NKAIN3: variants seen among roughly 807,000 people sequenced by gnomAD.
The protein encoded by NKAIN3 is sodium/potassium transporting ATPase interacting 3.
NKAIN3 carries 25 observed loss-of-function variants against 30.2 expected under a neutral mutation model. The observed-to-expected ratio is 0.83, with a 90% CI of 0.60 to 1.16. The LOEUF (loss-of-function observed/expected upper bound fraction) is 1.16, where lower values mean the gene tolerates loss of function less well. NKAIN3 is among the 50% of genes most tolerant of loss of function. NKAIN3 has a pLI of 0.00. For synonymous variants in NKAIN3, 91 were observed against 89.6 expected (o/e 1.02, Z -0.09); for missense variants, 225 against 254.1 (o/e 0.89, Z 0.78).
chr8:62,524,616 C>A (rs1274822924), intron 1 of NKAIN3, among the ~76,000 whole-genome samples: 6 of 152,226 alleles, frequency 3.9e-5, no homozygotes, highest in South Asian at 2.1e-4. Flanking sequence ...CATCAATTAA[C>A]CCTCATGGCA....
At chr8:62,310,321 T>G (rs560565730) in intron 1 of NKAIN3, among the ~76,000 whole-genome samples, 1 of 150,510 alleles carries the variant, frequency 6.6e-6, no homozygotes, top group South Asian at 2.1e-4. Context: ...ATTGAAACAC[T>G]GGGAAGGATC....
At chr8:62,375,356 A>G (rs533863457) in intron 1 of NKAIN3, among the ~76,000 whole-genome samples, 4 of 152,338 alleles carry the variant, frequency 2.6e-5, no homozygotes, top group African/African-American at 9.6e-5. Flanking sequence ...CTTTGAAAAC[A>G]TGTTTGAAAC....
chr8:62,310,122 C>T (rs1466525377), intron 1 of NKAIN3, among the ~76,000 whole-genome samples: 1 of 150,308 alleles, frequency 6.7e-6, no homozygotes, highest in East Asian at 1.9e-4. Flanking sequence ...TTTCAACTGC[C>T]TCCTTTATAT....
chr8:62,637,781 C>T (rs1812180539), intron 3 of NKAIN3, among the ~76,000 whole-genome samples: 2 of 152,112 alleles, frequency 1.3e-5, no homozygotes, highest in South Asian at 4.1e-4. Flanking sequence ...TTCTGTCCCA[C>T]ACATGAGAGT....
intron 1 of NKAIN3, among the ~76,000 whole-genome samples, chr8:62,509,302 G>A (rs1269136029): frequency 6.6e-6 from 1 of 151,836 alleles, no homozygotes; most frequent in Non-Finnish European, 1.5e-5. Flanking sequence ...CCCAGATCCT[G>A]TTTTGCTGTC....
chr8:62,454,301 C>CAAAAAAAAAAAAGAAAAAAAAAA (rs1805742845), intron 1 of NKAIN3, among the ~76,000 whole-genome samples: 1 of 56,152 alleles, frequency 1.8e-5, no homozygotes, highest in Admixed American at 2.3e-4. Flanking sequence ...AGCTGATGTG[C>CAAAAAAAAAAAAGAAAAAAAAAA]AAAAAAAAAA....
rs201511724 is a variant in NKAIN3, at chr8:62,454,301, C to CAAAAAAAAAAAAAAAAAAAAAAA, written c.55-125216_55-125215insAAAAAAAAAAAAAAAAAAAAAAA. Among the ~76,000 whole-genome samples, 511 of 56,032 alleles carry CAAAAAAAAAAAAAAAAAAAAAAA rather than the reference C, an allele frequency of 9.1e-3. 40 individuals carry two copies. The highest frequency in any genetic ancestry group is 0.011 in the Non-Finnish European group (296 of 25,948). The allele number at this position is 56,032 out of a possible 152,430, so 36.8% of individuals were successfully genotyped here. Reference sequence around the variant, plus strand: ...ACCAACACTAACAATAGCTGATGTGCAAAAAAAAAAAAAAAAAAAAAATCT... The same window carrying CAAAAAAAAAAAAAAAAAAAAAAA: ...ACCAACACTAACAATAGCTGATGTGCAAAAAAAAAAAAAAAAAAAAAAAAAAAAAAAAAAAAAAAAAAAAATCT... On this transcript the variant is annotated intron_variant, in intron 1 of 6. Coordinates refer to ENST00000623646, the MANE Select transcript of NKAIN3 (RefSeq NM_001304533.3).
intron 3 of NKAIN3, among the ~76,000 whole-genome samples, chr8:62,693,303 C>T (rs925161360): frequency 6.6e-6 from 1 of 152,186 alleles, no homozygotes; most frequent in African/African-American, 2.4e-5. Context: ...TAATTTGCTT[C>T]TAATAACCTA....
At chr8:62,307,922 G>A (rs920367987) in intron 1 of NKAIN3, among the ~76,000 whole-genome samples, 4 of 150,406 alleles carry the variant, frequency 2.7e-5, no homozygotes, top group African/African-American at 1.0e-4. Flanking sequence ...AAGTAGTCTT[G>A]TGGGGAAGAT....
chr8:62,673,332 A>G (rs975705999), intron 3 of NKAIN3, among the ~76,000 whole-genome samples: 1 of 152,258 alleles, frequency 6.6e-6, no homozygotes, highest in Non-Finnish European at 1.5e-5. Flanking sequence ...TGCATAGAGT[A>G]AACAAGTCCC....
chr8:62,379,508 A>G (rs562220137), intron 1 of NKAIN3, among the ~76,000 whole-genome samples: 1 of 152,162 alleles, frequency 6.6e-6, no homozygotes, highest in African/African-American at 2.4e-5. Context: ...GTTGTGGGAG[A>G]CCCAGTGAGA....
intron 3 of NKAIN3, among the ~76,000 whole-genome samples, chr8:62,741,179 T>C (rs982043230): frequency 6.6e-6 from 1 of 152,176 alleles, no homozygotes; most frequent in African/African-American, 2.4e-5. Flanking sequence ...TTAGGAGACT[T>C]TGAGTCTATG....
intron 4 of NKAIN3, among the ~76,000 whole-genome samples, chr8:62,772,859 C>T (rs191566598): frequency 2.6e-5 from 4 of 152,190 alleles, no homozygotes; most frequent in Non-Finnish European, 5.9e-5. Context: ...CAGGGTCTCA[C>T]CATATTGGCC....
chr8:62,354,016 T>C (rs1816268757), intron 1 of NKAIN3, among the ~76,000 whole-genome samples: 1 of 152,196 alleles, frequency 6.6e-6, no homozygotes, highest in Non-Finnish European at 1.5e-5. Context: ...TCTGAGATGT[T>C]TAAGAGTGGA....
At chr8:62,960,174 T>A (rs578214859) in intron 6 of NKAIN3, among the ~76,000 whole-genome samples, 1 of 152,206 alleles carries the variant, frequency 6.6e-6, no homozygotes, top group Non-Finnish European at 1.5e-5. Flanking sequence ...CCTCTGTTTT[T>A]ATTAGGACGG....
chr8:62,683,022 T>G (rs961917373), intron 3 of NKAIN3, among the ~76,000 whole-genome samples: 2 of 121,900 alleles, frequency 1.6e-5, no homozygotes, highest in African/African-American at 5.5e-5. Context: ...TGTTTGTTTG[T>G]TTTTTTGTTT....
chr8:62,258,593 G>C (rs1278396399), intron 1 of NKAIN3, among the ~76,000 whole-genome samples: 1 of 152,152 alleles, frequency 6.6e-6, no homozygotes, highest in South Asian at 2.1e-4. Flanking sequence ...CCAGGAGTTC[G>C]AGGCTGCAGT....
At chr8:62,281,080 A>C (rs1046079247) in intron 1 of NKAIN3, among the ~76,000 whole-genome samples, 1 of 152,142 alleles carries the variant, frequency 6.6e-6, no homozygotes, top group African/African-American at 2.4e-5. Flanking sequence ...CAGGGATTCA[A>C]CTTCTTCCTG....
intron 1 of NKAIN3, among the ~76,000 whole-genome samples, chr8:62,281,570 T>C (rs995096842): frequency 6.6e-6 from 1 of 152,186 alleles, no homozygotes; most frequent in Non-Finnish European, 1.5e-5. Context: ...TTCTGGTATG[T>C]TGTGTCTTTG....
Sources: gnomAD v4.1 joint callset for allele counts (sites outside exome capture counted in the v4.1 genomes callset) on GRCh38, gnomAD v4.1.1 for gene constraint, MANE v1.5 for transcripts, NCBI Gene and HGNC (gene_info 2026-07-23, HGNC 2026-07-21) for gene names.